Variants in NEBL observed in about 807,000 individuals in gnomAD.
NEBL encodes the protein nebulette, also known as LIM and SH3 protein 2.
A neutral mutation model predicts 140.2 loss-of-function variants in NEBL; 122 were observed. That is an observed-to-expected ratio of 0.87 (90% confidence interval 0.75 to 1.01). The LOEUF is 1.01. Among genes scored for constraint, NEBL ranks in the 50% least tolerant of loss-of-function variants. NEBL has a pLI of 0.00. For missense variants in NEBL, 1,365 were observed against 1,231.3 expected (o/e 1.11, Z -1.62); for synonymous variants, 436 against 398.9 (o/e 1.09, Z -1.11).
At chr10:20,875,259 G>A (rs1845379568) in intron 5 of NEBL, among the ~76,000 whole-genome samples, 2 of 151,970 alleles carry the variant, frequency 1.3e-5, no homozygotes, top group Admixed American at 1.3e-4. Context: ...TGTTCCCTAT[G>A]CTCGTGCAGA....
intron 26 of NEBL, chr10:20,793,265 A>G (rs1021003233): frequency 2.6e-6 from 2 of 781,368 alleles, no homozygotes; most frequent in African/African-American, 3.8e-5. Context: ...AGACATGCCT[A>G]ATCATCGTGA....
At chr10:21,102,718 T>C (rs918934796) in intron 2 of NEBL, among the ~76,000 whole-genome samples, 5 of 152,230 alleles carry the variant, frequency 3.3e-5, no homozygotes, top group African/African-American at 1.2e-4. Flanking sequence ...ATGTACCTGT[T>C]GGAATTCTGG....
At chr10:20,927,678 A>T (rs545785423) in intron 4 of NEBL, among the ~76,000 whole-genome samples, 2 of 152,352 alleles carry the variant, frequency 1.3e-5, no homozygotes, top group African/African-American at 4.8e-5. Flanking sequence ...CAAGTGCAAG[A>T]CTTCACAGAA....
chr10:21,241,011 G>C (rs1010390198), intron 3 of NEBL, among the ~76,000 whole-genome samples: 8 of 151,324 alleles, frequency 5.3e-5, no homozygotes, highest in Non-Finnish European at 1.0e-4. Flanking sequence ...CCCCATTTTT[G>C]GGGCTTTCAC....
At position 21,039,524 on chromosome 10, in the gene NEBL, G is replaced by A. The variant is rs1050617676; in HGVS notation, c.165-19323C>T. On this transcript the variant is annotated intron_variant, in intron 2 of 6. Coordinates refer to the NEBL transcript ENST00000417816. ...TTGTCAGGTTTGTTGAAGATCAGAT[G>A]GTTATAGCTGTAAAAATTGATATAG... is the stretch of plus-strand genomic sequence containing the variant. 2.6e-5 allele frequency among the ~76,000 whole-genome samples: 4 copies of A among 152,216 alleles called. No individual in the cohort carries two copies. The South Asian group carries it at 8.3e-4, about 32-fold the overall frequency.
At chr10:21,098,995 T>C (rs1428798074) in intron 2 of NEBL, among the ~76,000 whole-genome samples, 2 of 151,678 alleles carry the variant, frequency 1.3e-5, no homozygotes, top group African/African-American at 4.8e-5. Context: ...TAGCTGGACA[T>C]GGTGGCACAC....
At chr10:21,269,542 G>T (rs915019466) in intron 1 of NEBL, among the ~76,000 whole-genome samples, 19 of 152,280 alleles carry the variant, frequency 1.2e-4, no homozygotes, top group African/African-American at 4.3e-4. Flanking sequence ...ATGAACGTTC[G>T]TGGTTAGAAC....
At chr10:21,268,086 A>C (rs901787054) in intron 1 of NEBL, among the ~76,000 whole-genome samples, 4 of 152,146 alleles carry the variant, frequency 2.6e-5, no homozygotes, top group African/African-American at 9.7e-5. Flanking sequence ...CCTTGGTCTT[A>C]GACCAACCAG....
intron 2 of NEBL, chr10:21,113,325 A>T: frequency 2.6e-6 from 1 of 381,204 alleles, no homozygotes; most frequent in South Asian, 2.2e-5. Flanking sequence ...AAACTCCTAA[A>T]ACAGCAAAAG....
intron 26 of NEBL, chr10:20,793,525 A>G (rs1292990254): frequency 6.0e-6 from 1 of 167,974 alleles, no homozygotes; most frequent in Admixed American, 6.6e-5. Flanking sequence ...AGGAAATTGC[A>G]TAATGGTGTC....
At chr10:20,869,023 A>AT (rs1404943928) in intron 6 of NEBL, among the ~76,000 whole-genome samples, 6 of 152,188 alleles carry the variant, frequency 3.9e-5, no homozygotes, top group African/African-American at 1.2e-4. Flanking sequence ...TTGTAATTAT[A>AT]TATAAATACT....
chr10:20,961,772 T>G, exon 4 of NEBL: 1 of 1,612,552 alleles, frequency 6.2e-7, no homozygotes, highest in Non-Finnish European at 8.5e-7. Context: ...ATCTCTTTTG[T>G]ACTTGACCTA....
chr10:21,285,590 C>T (rs1325183669), intron 1 of NEBL, among the ~76,000 whole-genome samples: 1 of 152,216 alleles, frequency 6.6e-6, no homozygotes, highest in Admixed American at 6.5e-5. Flanking sequence ...TCGTCAGGAC[C>T]TCCTGAGGCT....
intron 2 of NEBL, among the ~76,000 whole-genome samples, chr10:21,038,995 C>T (rs1167197262): frequency 6.6e-6 from 1 of 150,640 alleles, no homozygotes; most frequent in South Asian, 2.1e-4. Flanking sequence ...TGTTTGTTGG[C>T]TGCACAAATG....
chr10:20,833,642 A>T (rs371290840), intron 14 of NEBL, among the ~76,000 whole-genome samples: 14 of 151,810 alleles, frequency 9.2e-5, no homozygotes, highest in African/African-American at 3.4e-4. Flanking sequence ...TGCCTCAAGG[A>T]TTCTTCTCCT....
At chr10:21,083,706 G>A (rs578216199) in intron 2 of NEBL, among the ~76,000 whole-genome samples, 51 of 152,144 alleles carry the variant, frequency 3.4e-4, no homozygotes, top group Non-Finnish European at 5.1e-4. Context: ...TTAGCCAGGC[G>A]TGGTTGCGTG....
chr10:21,066,693 C>T (rs1835563287), intron 2 of NEBL, among the ~76,000 whole-genome samples: 1 of 152,186 alleles, frequency 6.6e-6, no homozygotes, highest in Non-Finnish European at 1.5e-5. Context: ...GCTTAAAACA[C>T]AGCAATACAA....
rs892375271 is a variant in NEBL at position 20,780,440 on chromosome 10, A to G, written c.*5307T>C. The G allele has an allele frequency of 1.1e-4, 16 of 152,232 alleles. No individual in the cohort carries two copies. Among genetic ancestry groups the G allele is most frequent in the African/African-American group, 3.9e-4 (16 of 41,460 alleles). The allele number at this position is 152,232 out of a possible 1,614,324, so 9.4% of individuals were successfully genotyped here. A position where few individuals can be genotyped will look rare whatever the true frequency, so the allele number is the denominator to read the frequency against. The stretch of plus-strand genomic sequence containing the variant: ...AAGCATAATATTGTTATCACTTACA[A>G]CTAAGTTTATTTGGGGGAGGAAAAT... On this transcript the variant is annotated 3_prime_UTR_variant, in exon 28 of 28. Transcript: ENST00000377122.
chr10:20,886,302 C>T (rs534884014), intron 4 of NEBL, among the ~76,000 whole-genome samples: 3 of 151,942 alleles, frequency 2.0e-5, no homozygotes, highest in Non-Finnish European at 4.4e-5. Flanking sequence ...GTGGGCAGAT[C>T]GCCTGAGGTC....
Sources: gnomAD v4.1 joint callset for allele counts (sites outside exome capture counted in the v4.1 genomes callset) on GRCh38, gnomAD v4.1.1 for gene constraint, MANE v1.5 for transcripts, NCBI Gene and HGNC (gene_info 2026-07-23, HGNC 2026-07-21) for gene names.